The following EYS variants were observed in gnomAD, a reference collection of about 807,000 sequenced individuals.
EYS encodes the protein EGF-like photoreceptor maintenance factor.
A neutral mutation model predicts 282.1 loss-of-function variants in EYS; 250 were observed. The observed-to-expected ratio is 0.89, with a 90% CI of 0.80 to 0.98. The LOEUF is 0.98. Among genes scored for constraint, EYS ranks in the 50% least tolerant of loss-of-function variants. The pLI is 0.00. For missense variants in EYS, 4,016 were observed against 3,709.0 expected, an observed-to-expected ratio of 1.08 and a Z score of -2.15; for synonymous variants, 1,355 against 1,282.9, an observed-to-expected ratio of 1.06 and a Z score of -1.20.
At chr6:63,826,054 T>C (rs1309952895) in intron 36 of EYS, among the ~76,000 whole-genome samples, 1 of 152,030 alleles carries the variant, frequency 6.6e-6, no homozygotes, top group African/African-American at 2.4e-5. Context: ...GCAAAAACAA[T>C]AGAAAAAATT....
chr6:64,295,243 T>C (rs915412305), intron 30 of EYS, among the ~76,000 whole-genome samples: 3 of 145,182 alleles, frequency 2.1e-5, no homozygotes, highest in African/African-American at 7.9e-5. Flanking sequence ...GTTTTTTTAG[T>C]TAATGGGTGC....
At chr6:63,986,335 T>C (rs539866751) in intron 34 of EYS, among the ~76,000 whole-genome samples, 1 of 151,914 alleles carries the variant, frequency 6.6e-6, no homozygotes, top group East Asian at 1.9e-4. Flanking sequence ...GAATGTAAAT[T>C]AGTTTAGCCA....
intron 1 of EYS, among the ~76,000 whole-genome samples, chr6:65,644,978 T>C (rs891452735): frequency 2.0e-5 from 3 of 152,146 alleles, no homozygotes; most frequent in Non-Finnish European, 4.4e-5. Context: ...ACAGGACTTA[T>C]ATAACAATAA....
chr6:64,935,029 G>T (rs1274682826), intron 15 of EYS, among the ~76,000 whole-genome samples: 1 of 151,750 alleles, frequency 6.6e-6, no homozygotes, highest in Non-Finnish European at 1.5e-5. Context: ...GGGAGCAATG[G>T]TGGAGCAATA....
At chr6:65,583,239 T>C (rs144948349) in intron 2 of EYS, among the ~76,000 whole-genome samples, 420 of 152,188 alleles carry the variant, frequency 2.8e-3, no homozygotes, top group Non-Finnish European at 4.5e-3. Flanking sequence ...GGCTCAAGTA[T>C]ACTTATTTTA....
chr6:63,887,271 C>T (rs74953928), intron 35 of EYS, among the ~76,000 whole-genome samples: 2,922 of 149,740 alleles, frequency 0.02, 64 homozygotes, highest in South Asian at 0.1. Context: ...GTGACTAAAA[C>T]TGAGAAAGGC....
chr6:65,296,173 A>G lies in EYS; in HGVS notation c.1767-54T>C, dbSNP rs577538982. 8.6e-6 allele frequency: 12 copies of G among 1,401,448 alleles called. No individual in the cohort carries two copies. In the Admixed American group the frequency reaches 1.2e-4, roughly 14 times the overall value. 86.8% of individuals were successfully genotyped at this position (1,401,448 alleles called of 1,614,324 possible). A position where few individuals can be genotyped will look rare whatever the true frequency, so the allele number is the denominator to read the frequency against. Reference sequence around the variant, plus strand: ...TTAGTCATATACTTTATTTTGATATATTTAAGTATTTAAATCACACATTTA... The same window carrying G: ...TTAGTCATATACTTTATTTTGATATGTTTAAGTATTTAAATCACACATTTA... On this transcript the variant is annotated intron_variant, in intron 11 of 42. Coordinates refer to ENST00000503581, the MANE Select transcript of EYS (RefSeq NM_001142800.2).
At chr6:64,066,190 A>G (rs938780890) in intron 33 of EYS, 148 bp downstream of exon 33, 8 of 610,498 alleles carry the variant, frequency 1.3e-5, no homozygotes, top group African/African-American at 1.2e-4. Context: ...AGGCAGGAGA[A>G]TCGCTTGAAC....
At chr6:65,663,200 A>G (rs776597174) in intron 1 of EYS, among the ~76,000 whole-genome samples, 2 of 152,162 alleles carry the variant, frequency 1.3e-5, no homozygotes, top group Non-Finnish European at 2.9e-5. Context: ...TAGAGCCTCT[A>G]AAAATTCATG....
chr6:64,787,444 T>C (rs1774058604), intron 22 of EYS, among the ~76,000 whole-genome samples: 1 of 151,974 alleles, frequency 6.6e-6, no homozygotes, highest in African/African-American at 2.4e-5. Context: ...ATATTATTTT[T>C]AAAAACTTTG....
chr6:65,491,219 T>C (rs1172108547), intron 4 of EYS: 1 of 172,206 alleles, frequency 5.8e-6, no homozygotes, highest in African/African-American at 2.4e-5. Flanking sequence ...CATATCAAAT[T>C]TTCCAAATCT....
chr6:64,990,700 T>A (rs962657448), intron 14 of EYS, among the ~76,000 whole-genome samples: 4 of 151,606 alleles, frequency 2.6e-5, no homozygotes, highest in Non-Finnish European at 5.9e-5. Flanking sequence ...TTAATACTGC[T>A]TCATGGATTT....
intron 1 of EYS, among the ~76,000 whole-genome samples, chr6:65,651,640 G>C (rs115027132): frequency 0.02 from 2,998 of 152,074 alleles, 36 homozygotes; most frequent in Non-Finnish European, 0.028. Flanking sequence ...GCAACCACTA[G>C]AGGATGCAGG....
chr6:64,016,856 G>A (rs114580215), intron 33 of EYS, among the ~76,000 whole-genome samples: 2,093 of 152,144 alleles, frequency 0.014, 44 homozygotes, highest in African/African-American at 0.047. Flanking sequence ...AGCAGCAAAT[G>A]ACTAATTATT....
intron 35 of EYS, among the ~76,000 whole-genome samples, chr6:63,934,299 T>G (rs1160164216): frequency 6.6e-6 from 1 of 152,168 alleles, no homozygotes; most frequent in Non-Finnish European, 1.5e-5. Flanking sequence ...ACACTGTTGG[T>G]GGGACTGTAA....
intron 26 of EYS, among the ~76,000 whole-genome samples, chr6:64,486,121 A>G (rs1758327417): frequency 6.6e-6 from 1 of 151,490 alleles, no homozygotes; most frequent in Non-Finnish European, 1.5e-5. Flanking sequence ...CAGGGTTTGT[A>G]ATATTAGAAA....
chr6:64,053,402 G>C (rs773394108), intron 33 of EYS, among the ~76,000 whole-genome samples: 11 of 151,906 alleles, frequency 7.2e-5, no homozygotes, highest in Non-Finnish European at 1.3e-4. Context: ...ATTTCTTAAG[G>C]TTTTCATGAA....
intron 31 of EYS, among the ~76,000 whole-genome samples, chr6:64,096,357 G>C (rs1262115444): frequency 6.6e-6 from 1 of 152,144 alleles, no homozygotes; most frequent in Non-Finnish European, 1.5e-5. Context: ...TTCCAACTTG[G>C]TTCCATTCTC....
chr6:64,917,396 A>G (rs561725895), intron 15 of EYS, among the ~76,000 whole-genome samples: 23 of 152,326 alleles, frequency 1.5e-4, no homozygotes, highest in African/African-American at 5.1e-4. Context: ...GTGTTTGAAT[A>G]TATTTTGTAT....
Sources: allele counts gnomAD v4.1 joint callset (sites outside exome capture counted in the v4.1 genomes callset), GRCh38; gene constraint gnomAD v4.1.1; transcripts MANE v1.5; gene names NCBI Gene and HGNC (gene_info 2026-07-23, HGNC 2026-07-21).